COL21A1: variants seen among roughly 807,000 people sequenced by gnomAD.
The protein encoded by COL21A1 is collagen type XXI alpha 1 chain.
In COL21A1, 149 loss-of-function variants were observed where a neutral mutation model predicts 137.9. The observed-to-expected ratio is 1.08, with a 90% CI of 0.95 to 1.24. COL21A1 has a LOEUF of 1.24. COL21A1 is among the 50% of genes most tolerant of loss of function. COL21A1 has a pLI of 0.00. For missense variants in COL21A1, 1,167 were observed against 1,158.4 expected, an observed-to-expected ratio of 1.01 and a Z score of -0.11; for synonymous variants, 456 against 391.5, an observed-to-expected ratio of 1.16 and a Z score of -1.95.
intron 1 of COL21A1, among the ~76,000 whole-genome samples, chr6:56,306,148 T>C (rs4496805): frequency 0.99 from 108,551 of 109,600 alleles, 53,776 homozygotes; most frequent in Middle Eastern, 1. Flanking sequence ...ACCTTTCTCT[T>C]TGGCTGCCCT....
chr6:56,104,759 C>G (rs1038639951), intron 16 of COL21A1, among the ~76,000 whole-genome samples: 1 of 152,052 alleles, frequency 6.6e-6, no homozygotes, highest in African/African-American at 2.4e-5. Flanking sequence ...CACAACAAGA[C>G]AGTTCTTTAA....
chr6:56,094,616 A>C (rs1769157305), intron 17 of COL21A1, among the ~76,000 whole-genome samples: 1 of 152,180 alleles, frequency 6.6e-6, no homozygotes, highest in Non-Finnish European at 1.5e-5. Context: ...CCGGAAACAA[A>C]ATCTGCATCA....
chr6:56,244,408 T>G (rs1782528338), intron 1 of COL21A1, among the ~76,000 whole-genome samples: 1 of 152,164 alleles, frequency 6.6e-6, no homozygotes, highest in African/African-American at 2.4e-5. Flanking sequence ...CCTATATGTC[T>G]CCATTTTTCC....
At chr6:56,272,210 C>G (rs1763544797) in intron 1 of COL21A1, among the ~76,000 whole-genome samples, 1 of 152,248 alleles carries the variant, frequency 6.6e-6, no homozygotes, top group African/African-American at 2.4e-5. Context: ...AGGGGCAGAG[C>G]TGACCATGGT....
chr6:56,257,679 A>T (rs1412387367), intron 1 of COL21A1, among the ~76,000 whole-genome samples: 2 of 152,192 alleles, frequency 1.3e-5, no homozygotes, highest in African/African-American at 4.8e-5. Flanking sequence ...AGCCACAGAA[A>T]ATTGTAAATA....
intron 1 of COL21A1, among the ~76,000 whole-genome samples, chr6:56,270,653 T>C (rs1763503759): frequency 6.6e-6 from 1 of 152,170 alleles, no homozygotes; most frequent in African/African-American, 2.4e-5. Flanking sequence ...CCTAATCTCA[T>C]CTCAAATTGT....
At chr6:56,372,961 G>T (rs1191033130) in intron 1 of COL21A1, among the ~76,000 whole-genome samples, 2 of 152,130 alleles carry the variant, frequency 1.3e-5, no homozygotes, top group Non-Finnish European at 2.9e-5. Context: ...TTTGCAGCTG[G>T]GGATCTGGCA....
At chr6:56,099,805 T>C (rs961214753) in intron 17 of COL21A1, among the ~76,000 whole-genome samples, 1 of 152,106 alleles carries the variant, frequency 6.6e-6, no homozygotes, top group African/African-American at 2.4e-5. Context: ...ATGGCTCACA[T>C]ATGTTGAGCT....
At chr6:56,320,694 T>C (rs1184858097) in intron 1 of COL21A1, among the ~76,000 whole-genome samples, 1 of 152,150 alleles carries the variant, frequency 6.6e-6, no homozygotes, top group Non-Finnish European at 1.5e-5. Flanking sequence ...TTTCCATTGA[T>C]ATTCATGTGG....
intron 10 of COL21A1, among the ~76,000 whole-genome samples, chr6:56,148,852 G>A (rs1775054689): frequency 6.6e-6 from 1 of 152,076 alleles, no homozygotes; most frequent in Non-Finnish European, 1.5e-5. Context: ...TCCCTCACAG[G>A]CTGTCTTCTG....
At chr6:56,099,257 G>T (rs1770208264) in intron 17 of COL21A1, among the ~76,000 whole-genome samples, 1 of 141,606 alleles carries the variant, frequency 7.1e-6, no homozygotes, top group African/African-American at 2.6e-5. Context: ...TTTTTTAGAG[G>T]GAGTTTAGCT....
At chr6:56,217,219 G>A (rs1379232257) in intron 1 of COL21A1, among the ~76,000 whole-genome samples, 1 of 152,058 alleles carries the variant, frequency 6.6e-6, no homozygotes, top group East Asian at 1.9e-4. Flanking sequence ...TAGTTCCAGT[G>A]AATGGTGTCC....
chr6:56,274,427 ATC>A lies in COL21A1; in HGVS notation c.-38-91773_-38-91772del, dbSNP rs552639051. ...AAATAGGAAAAGAAGAAATGAAACT[ATC>A]TCTCTTTGCTGATGATATGATTCTG... On this transcript the variant is annotated intron_variant, in intron 1 of 28. Transcript: ENST00000370819. Among the ~76,000 whole-genome samples the A allele has an allele frequency of 5.9e-5, 9 of 152,304 alleles. No individual in the cohort carries two copies. In the East Asian group the frequency reaches 1.7e-3, roughly 29 times the overall value.
chr6:56,378,848 C>T (rs769437097), intron 1 of COL21A1, among the ~76,000 whole-genome samples: 2 of 152,214 alleles, frequency 1.3e-5, no homozygotes, highest in Non-Finnish European at 2.9e-5. Flanking sequence ...GCTTGTGTCA[C>T]TCCACCCCCA....
At chr6:56,292,581 G>A (rs1764074026) in intron 1 of COL21A1, among the ~76,000 whole-genome samples, 1 of 152,124 alleles carries the variant, frequency 6.6e-6, no homozygotes, top group African/African-American at 2.4e-5. Context: ...CAGGCATCTG[G>A]CAAATGTGCC....
chr6:56,269,250 A>C (rs574290860), intron 1 of COL21A1, among the ~76,000 whole-genome samples: 1 of 152,330 alleles, frequency 6.6e-6, no homozygotes, highest in East Asian at 1.9e-4. Context: ...AATTCAAGAA[A>C]TAAAAAGAAT....
At position 56,157,078 on chromosome 6, in the gene COL21A1, A is replaced by G. The variant is rs866597794; in HGVS notation, c.1372-129T>C. 18 of 631,324 alleles carry G rather than the reference A, an allele frequency of 2.9e-5. 1 individual carries two copies. In the South Asian group the frequency reaches 3.7e-4, roughly 13 times the overall value. The allele number at this position is 631,324 out of a possible 1,614,324, so 39.1% of individuals were successfully genotyped here. A position where few individuals can be genotyped will look rare whatever the true frequency, so the allele number is the denominator to read the frequency against. ...TGTATGTTAAAAACAAAAGTAAAAA[A>G]AAAAAGCCATATTTTAAATGCTTAC... On this transcript the variant is annotated intron_variant, in intron 9 of 29. Coordinates refer to ENST00000244728, the MANE Select transcript of COL21A1 (RefSeq NM_030820.4).
At chr6:56,368,829 A>G (rs951002033) in intron 1 of COL21A1, among the ~76,000 whole-genome samples, 1 of 152,116 alleles carries the variant, frequency 6.6e-6, no homozygotes, top group Non-Finnish European at 1.5e-5. Context: ...CTAATTTTTA[A>G]TCTTCTACAG....
At chr6:56,108,982 G>A (rs1427277844) in intron 16 of COL21A1, among the ~76,000 whole-genome samples, 1 of 151,406 alleles carries the variant, frequency 6.6e-6, no homozygotes, top group East Asian at 1.9e-4. Flanking sequence ...ACAACTTTTA[G>A]GAAACAGAGA....
Sources: gnomAD v4.1 joint callset for allele counts (sites outside exome capture counted in the v4.1 genomes callset) on GRCh38, gnomAD v4.1.1 for gene constraint, MANE v1.5 for transcripts, NCBI Gene and HGNC (gene_info 2026-07-23, HGNC 2026-07-21) for gene names.